The following SMAP2 variants were observed in gnomAD, a reference collection of about 807,000 sequenced individuals.
SMAP2 encodes stromal membrane-associated protein 2.
SMAP2 carries 25 observed loss-of-function variants against 56.4 expected under a neutral mutation model. The observed-to-expected ratio is 0.44, with a 90% CI of 0.32 to 0.62. The LOEUF (loss-of-function observed/expected upper bound fraction) is 0.62. SMAP2 is among the 20% of genes least tolerant of loss of function. The probability of loss-of-function intolerance (pLI) is 0.04; values close to 1 mark genes in which losing one functional copy is unlikely to be tolerated. For synonymous variants in SMAP2, 157 were observed against 181.7 expected (o/e 0.86, Z 1.09); for missense variants, 388 against 545.6 (o/e 0.71, Z 2.88).
intron 1 of SMAP2, among the ~76,000 whole-genome samples, chr1:40,345,966 CTTTTTTTTT>C (rs71060369): frequency 1.2e-3 from 41 of 35,342 alleles, no homozygotes; most frequent in South Asian, 7.5e-3. Flanking sequence ...ATTTCTATCA[CTTTTTTTTT>C]TTTTTTTTTT....
rs1644516481 is a variant in SMAP2 at position 40,373,935 on chromosome 1, C to T, written c.-186C>T. The T allele has an allele frequency of 5.5e-6, 3 of 549,216 alleles. No homozygotes were observed. Among genetic ancestry groups the T allele is most frequent in the Non-Finnish European group, 6.5e-6 (2 of 306,216 alleles). The allele number at this position is 549,216 out of a possible 1,614,324, so 34.0% of individuals were successfully genotyped here. A position where few individuals can be genotyped will look rare whatever the true frequency, so the allele number is the denominator to read the frequency against. ...CGCCAAGGGGCGCCGCGCCGAGGGG[C>T]TGCGGAGTGGGGGACGGACGCCCCC... On this transcript the variant is annotated 5_prime_UTR_variant, in exon 1 of 10. Transcript: ENST00000372718.
At position 40,421,601 on chromosome 1, in the gene SMAP2, G is replaced by GA. The variant is rs1476922553; in HGVS notation, c.1165-374dup. ...CTGAAGATGAGGCGGGAGCACTGGG[G>GA]AGGGGGCTTTCCTTTCAGCTTTTAG... On this transcript the variant is annotated intron_variant, in intron 9 of 9. Coordinates refer to ENST00000372718, the MANE Select transcript of SMAP2 (RefSeq NM_022733.3). Among the ~76,000 whole-genome samples, 3 of 152,180 alleles carry GA rather than the reference G, an allele frequency of 2.0e-5. No individual in the cohort carries two copies. In the East Asian group the frequency reaches 5.8e-4, roughly 29 times the overall value.
chr1:40,363,808 T>C (rs970066714), intron 2 of SMAP2, among the ~76,000 whole-genome samples: 2 of 152,194 alleles, frequency 1.3e-5, no homozygotes, highest in African/African-American at 2.4e-5. Flanking sequence ...AGTGCAGTGA[T>C]TGTGGGACTT....
At chr1:40,361,238 G>C (rs1644458532) in intron 1 of SMAP2, among the ~76,000 whole-genome samples, 1 of 152,140 alleles carries the variant, frequency 6.6e-6, no homozygotes, top group Non-Finnish European at 1.5e-5. Flanking sequence ...GACACACCCT[G>C]GGTCAGAAGG....
chr1:40,349,015 C>T (rs1644399888), intron 1 of SMAP2, among the ~76,000 whole-genome samples: 1 of 152,196 alleles, frequency 6.6e-6, no homozygotes, highest in Admixed American at 6.5e-5. Flanking sequence ...GATGATCCAC[C>T]TGCCTCGGCC....
intron 2 of SMAP2, among the ~76,000 whole-genome samples, chr1:40,407,964 A>G (rs1265998534): frequency 2.0e-5 from 3 of 151,960 alleles, no homozygotes; most frequent in African/African-American, 4.8e-5. Context: ...TTTAATTTCA[A>G]TTTTTTCTTT....
chr1:40,417,274 T>G (rs1644998925), intron 9 of SMAP2, among the ~76,000 whole-genome samples, 178 bp downstream of exon 9: 1 of 151,136 alleles, frequency 6.6e-6, no homozygotes, highest in Non-Finnish European at 1.5e-5. Flanking sequence ...AAAGTCAGAC[T>G]TTCTGAGGAG....
intron 1 of SMAP2, among the ~76,000 whole-genome samples, chr1:40,345,834 T>A (rs1015530144): frequency 8.1e-5 from 8 of 98,478 alleles, no homozygotes; most frequent in African/African-American, 2.9e-4. Context: ...GTTTCTGGAG[T>A]TTCTTTCTTT....
At chr1:40,357,324 G>A (rs544942414) in intron 1 of SMAP2, among the ~76,000 whole-genome samples, 4 of 152,032 alleles carry the variant, frequency 2.6e-5, no homozygotes, top group East Asian at 1.9e-4. Flanking sequence ...GCATGGTGAC[G>A]TGTGCCTGTA....
intron 1 of SMAP2, among the ~76,000 whole-genome samples, chr1:40,403,048 A>C (rs75761298): frequency 6.6e-6 from 1 of 152,290 alleles, no homozygotes; most frequent in East Asian, 1.9e-4. Flanking sequence ...GGGTTTAAAA[A>C]GTGCATTTTC....
At chr1:40,350,683 C>A (rs1302940529) in intron 1 of SMAP2, among the ~76,000 whole-genome samples, 1 of 152,156 alleles carries the variant, frequency 6.6e-6, no homozygotes, top group Admixed American at 6.6e-5. Context: ...ATCAATGGCC[C>A]TAGCAAGGGC....
At position 40,416,969 on chromosome 1, in the gene SMAP2, CAAT is replaced by C. The variant is rs752365825; in HGVS notation, c.1038_1040del (p.Met348del). On this transcript the variant is annotated inframe_deletion, in exon 9 of 10. Coordinates refer to ENST00000372718, the MANE Select transcript of SMAP2 (RefSeq NM_022733.3). The stretch of plus-strand genomic sequence containing the variant: ...GGCTATATGGGTGGCATGCAGGCAT[CAAT>C]GATGGGTGTGCCGAATGGAATGATG... 30 of 1,614,070 alleles carry C rather than the reference CAAT, an allele frequency of 1.9e-5. No homozygotes were observed. The highest frequency in any genetic ancestry group is 2.4e-5 in the Non-Finnish European group (28 of 1,180,060).
At position 40,422,192 on chromosome 1, in the gene SMAP2, C is replaced by T. The variant is rs1645050472; in HGVS notation, c.*91C>T. On this transcript the variant is annotated 3_prime_UTR_variant, in exon 10 of 10. Coordinates refer to ENST00000372718, the MANE Select transcript of SMAP2 (RefSeq NM_022733.3). ...CCCTGACCCCCATCCTCTTTTCCTACCTCTCTGTTTGGTTTAGAAATTGCT... is the reference window on the plus strand; with the variant it reads ...CCCTGACCCCCATCCTCTTTTCCTATCTCTCTGTTTGGTTTAGAAATTGCT... 1 of 1,528,364 alleles carries T rather than the reference C, an allele frequency of 6.5e-7. No individual in the cohort carries two copies. Among genetic ancestry groups the T allele is most frequent in the African/African-American group, 1.4e-5 (1 of 73,020 alleles). The allele number at this position is 1,528,364 out of a possible 1,614,324, so 94.7% of individuals were successfully genotyped here. A position where few individuals can be genotyped will look rare whatever the true frequency, so the allele number is the denominator to read the frequency against.
At chr1:40,379,308 A>T (rs1644572840) in intron 1 of SMAP2, among the ~76,000 whole-genome samples, 1 of 152,100 alleles carries the variant, frequency 6.6e-6, no homozygotes, top group Non-Finnish European at 1.5e-5. Flanking sequence ...TTTAAGAGAT[A>T]ATGTATGCAT....
chr1:40,397,827 G>T (rs1299687563), intron 1 of SMAP2, among the ~76,000 whole-genome samples: 1 of 152,152 alleles, frequency 6.6e-6, no homozygotes, highest in Non-Finnish European at 1.5e-5. Flanking sequence ...GGGCATCACA[G>T]ATGAACTGGA....
chr1:40,352,219 C>T (rs1644411832), intron 1 of SMAP2, among the ~76,000 whole-genome samples: 1 of 151,910 alleles, frequency 6.6e-6, no homozygotes, highest in East Asian at 1.9e-4. Flanking sequence ...GATAAGATGC[C>T]CTCCAAGCTT....
intron 1 of SMAP2, among the ~76,000 whole-genome samples, chr1:40,358,850 G>T (rs916934145): frequency 6.6e-6 from 1 of 152,070 alleles, no homozygotes; most frequent in Non-Finnish European, 1.5e-5. Flanking sequence ...ATGTATTGGG[G>T]TCTATTTCTC....
chr1:40,415,292 A>C lies in SMAP2; in HGVS notation c.592A>C (p.Ile198Leu), dbSNP rs764607790. ...TCTAGATGCTCCTGTGGCCTGCTCC[A>C]TTGCAAATAGTAAGACCAGCAATAC... ...LGLDAPVACS[I>L]ANSKTSNTLE... The change falls in exon 7 of 10, where the codon ATT (isoleucine) becomes CTT (leucine). Residue 198 changes from isoleucine (I) to leucine (L), a missense_variant. Coordinates refer to ENST00000372718, the MANE Select transcript of SMAP2 (RefSeq NM_022733.3). 1.2e-6 allele frequency: 2 copies of C among 1,613,886 alleles called. No homozygotes were observed. Among genetic ancestry groups the C allele is most frequent in the Non-Finnish European group, 1.7e-6 (2 of 1,179,754 alleles).
intron 2 of SMAP2, among the ~76,000 whole-genome samples, chr1:40,367,769 C>T (rs1023886206): frequency 6.7e-6 from 1 of 148,412 alleles, no homozygotes; most frequent in African/African-American, 2.5e-5. Flanking sequence ...CCAAAATTGA[C>T]ACCCTAACAT....
Sources: allele counts gnomAD v4.1 joint callset (sites outside exome capture counted in the v4.1 genomes callset), GRCh38; gene constraint gnomAD v4.1.1; transcripts MANE v1.5; gene names NCBI Gene and HGNC (gene_info 2026-07-23, HGNC 2026-07-21).